FHIT: variants seen among roughly 807,000 people sequenced by gnomAD.
FHIT encodes bis(5'-adenosyl)-triphosphatase.
FHIT carries 19 observed loss-of-function variants against 17.9 expected under a neutral mutation model. That is an observed-to-expected ratio of 1.06 (90% CI 0.74 to 1.56). FHIT has a LOEUF of 1.56. FHIT is among the 40% of genes most tolerant of loss of function. The pLI is 0.00. For missense variants in FHIT, 248 were observed against 189.2 expected, an observed-to-expected ratio of 1.31 and a Z score of -1.82; for synonymous variants, 81 against 69.7, an observed-to-expected ratio of 1.16 and a Z score of -0.81.
intron 5 of FHIT, among the ~76,000 whole-genome samples, chr3:60,321,541 G>A (rs1260382109): frequency 6.6e-6 from 1 of 152,130 alleles, no homozygotes; most frequent in Non-Finnish European, 1.5e-5. Context: ...GCATAATCAG[G>A]CATTGAGGGG....
At chr3:60,146,072 A>T (rs1012817841) in intron 5 of FHIT, among the ~76,000 whole-genome samples, 31 of 152,168 alleles carry the variant, frequency 2.0e-4, no homozygotes, top group African/African-American at 2.4e-5. Flanking sequence ...CATAATGGCA[A>T]AATAAATAAT....
intron 5 of FHIT, among the ~76,000 whole-genome samples, chr3:60,496,454 T>C (rs1418398560): frequency 6.6e-6 from 1 of 152,154 alleles, no homozygotes; most frequent in Non-Finnish European, 1.5e-5. Flanking sequence ...TGTGGTACCA[T>C]CTTTTACCCA....
intron 4 of FHIT, among the ~76,000 whole-genome samples, chr3:60,557,148 C>T (rs1163054273): frequency 6.6e-6 from 1 of 152,202 alleles, no homozygotes; most frequent in Non-Finnish European, 1.5e-5. Flanking sequence ...TCCAAAGCCT[C>T]TGAGGTATTT....
At chr3:60,568,896 G>C (rs2037237757) in intron 4 of FHIT, among the ~76,000 whole-genome samples, 1 of 151,556 alleles carries the variant, frequency 6.6e-6, no homozygotes, top group South Asian at 2.1e-4. Flanking sequence ...TCTTGGAAAA[G>C]TCACCATACC....
chr3:59,772,211 T>C (rs559241412), intron 8 of FHIT, among the ~76,000 whole-genome samples: 1 of 151,960 alleles, frequency 6.6e-6, no homozygotes, highest in South Asian at 2.1e-4. Flanking sequence ...AAGTGAATGT[T>C]AAGTGAATTT....
At chr3:60,285,496 G>A (rs1353852685) in intron 5 of FHIT, among the ~76,000 whole-genome samples, 2 of 152,128 alleles carry the variant, frequency 1.3e-5, no homozygotes, top group Admixed American at 6.6e-5. Flanking sequence ...TAAAGCCTGT[G>A]ATGGATTTTT....
chr3:60,221,531 A>C (rs1342589148), intron 5 of FHIT, among the ~76,000 whole-genome samples: 1 of 152,212 alleles, frequency 6.6e-6, no homozygotes. Flanking sequence ...CAGTGGCTTC[A>C]ATATGTACTA....
At chr3:60,324,096 G>A (rs115242006) in intron 5 of FHIT, among the ~76,000 whole-genome samples, 1 of 152,082 alleles carries the variant, frequency 6.6e-6, no homozygotes, top group Non-Finnish European at 1.5e-5. Context: ...GTTGTATTAG[G>A]ATACACCAGG....
At chr3:60,603,566 A>G (rs2038511984) in intron 4 of FHIT, among the ~76,000 whole-genome samples, 1 of 151,816 alleles carries the variant, frequency 6.6e-6, no homozygotes, top group African/African-American at 2.4e-5. Context: ...TATATTGCCT[A>G]CATTTTTTAA....
intron 4 of FHIT, among the ~76,000 whole-genome samples, chr3:60,561,175 A>G (rs1284529753): frequency 2.0e-5 from 3 of 152,064 alleles, no homozygotes; most frequent in Admixed American, 2.0e-4. Flanking sequence ...GTCCTAAAGT[A>G]CTGACATATG....
At chr3:60,749,778 T>C (rs1226456006) in intron 4 of FHIT, among the ~76,000 whole-genome samples, 1 of 152,124 alleles carries the variant, frequency 6.6e-6, no homozygotes, top group Non-Finnish European at 1.5e-5. Flanking sequence ...AAGCCATAAC[T>C]TGAAGCCATA....
intron 3 of FHIT, among the ~76,000 whole-genome samples, chr3:60,840,078 A>G (rs530040376): frequency 3.3e-5 from 5 of 152,258 alleles, no homozygotes; most frequent in South Asian, 4.2e-4. Flanking sequence ...TAGAGGAAAG[A>G]TATCTTCAGA....
At position 61,204,300 on chromosome 3, in the gene FHIT, T is replaced by A. The variant is rs188729907; in HGVS notation, c.-212-3635A>T. On this transcript the variant is annotated intron_variant, in intron 1 of 9. Coordinates refer to ENST00000492590, the MANE Select transcript of FHIT (RefSeq NM_002012.4). ...TGGGGGGGCTTCTGGAATATGGTAA[T>A]GATCTGTTTCTTGGCCTAGAAAGAG... is the stretch of plus-strand genomic sequence containing the variant. Among the ~76,000 whole-genome samples the A allele has an allele frequency of 5.3e-3, 805 of 152,252 alleles. 25 individuals are homozygous for A. Among genetic ancestry groups the A allele is most frequent in the Admixed American group, 0.048 (727 of 15,274 alleles).
intron 5 of FHIT, among the ~76,000 whole-genome samples, chr3:60,345,421 T>A (rs1710728784): frequency 6.6e-6 from 1 of 152,216 alleles, no homozygotes; most frequent in South Asian, 2.1e-4. Context: ...GTTAAATACC[T>A]ACAATCACAC....
intron 4 of FHIT, among the ~76,000 whole-genome samples, chr3:60,607,086 C>T (rs146337422): frequency 6.6e-6 from 1 of 152,080 alleles, no homozygotes; most frequent in Non-Finnish European, 1.5e-5. Flanking sequence ...TTACTAGTGT[C>T]TGTCATCAGG....
chr3:60,338,974 A>G (rs1051943373), intron 5 of FHIT, among the ~76,000 whole-genome samples: 4 of 152,126 alleles, frequency 2.6e-5, no homozygotes, highest in African/African-American at 9.7e-5. Context: ...GGCCTCCTTT[A>G]CAGACTTAGT....
intron 8 of FHIT, among the ~76,000 whole-genome samples, chr3:59,874,712 G>A (rs1703075547): frequency 6.6e-6 from 1 of 151,360 alleles, no homozygotes; most frequent in African/African-American, 2.4e-5. Flanking sequence ...AGAAGAAAAC[G>A]ATTTTACCCT....
intron 5 of FHIT, among the ~76,000 whole-genome samples, chr3:60,312,362 G>C (rs146962423): frequency 3.3e-5 from 5 of 151,858 alleles, no homozygotes; most frequent in Non-Finnish European, 7.4e-5. Flanking sequence ...GGCTGGTCTC[G>C]AACTCCTGAG....
chr3:60,672,249 C>G (rs2040523583), intron 4 of FHIT, among the ~76,000 whole-genome samples: 1 of 152,012 alleles, frequency 6.6e-6, no homozygotes, highest in Non-Finnish European at 1.5e-5. Flanking sequence ...TTTGTGTGAG[C>G]AACATGGCTG....
Sources: allele counts gnomAD v4.1 joint callset (sites outside exome capture counted in the v4.1 genomes callset), GRCh38; gene constraint gnomAD v4.1.1; transcripts MANE v1.5; gene names NCBI Gene and HGNC (gene_info 2026-07-23, HGNC 2026-07-21).